The following AFF3 variants were observed in gnomAD, a reference collection of about 807,000 sequenced individuals.
AFF3 encodes the protein AF4/FMR2 family member 3.
In AFF3, 32 loss-of-function variants were observed where a neutral mutation model predicts 129.7. That is an observed-to-expected ratio of 0.25 (90% CI 0.19 to 0.33). The LOEUF is 0.33. Ranked by LOEUF, AFF3 falls within the 10% of genes least tolerant of loss-of-function variation. The probability of loss-of-function intolerance (pLI) is 1.00; values close to 1 mark genes in which losing one functional copy is unlikely to be tolerated. For missense variants in AFF3, 1,373 were observed against 1,592.0 expected, an observed-to-expected ratio of 0.86 and a Z score of 2.34; for synonymous variants, 644 against 635.4, an observed-to-expected ratio of 1.01 and a Z score of -0.20.
chr2:99,684,987 G>C (rs1471180500), intron 11 of AFF3, among the ~76,000 whole-genome samples: 2 of 145,038 alleles, frequency 1.4e-5, no homozygotes, highest in Non-Finnish European at 3.0e-5. Context: ...TGCCCAGGCT[G>C]AGGTGCAGTG....
chr2:99,637,241 G>A (rs549903295), intron 13 of AFF3, among the ~76,000 whole-genome samples: 1 of 152,300 alleles, frequency 6.6e-6, no homozygotes, highest in Admixed American at 6.5e-5. Context: ...AAGTAGTTAA[G>A]TAGTTTGGTT....
intron 4 of AFF3, among the ~76,000 whole-genome samples, chr2:100,033,755 G>A (rs556407156): frequency 5.3e-4 from 80 of 152,090 alleles, no homozygotes; most frequent in African/African-American, 1.8e-3. Context: ...AATTCATCAC[G>A]ATTAATAAAA....
intron 10 of AFF3, among the ~76,000 whole-genome samples, chr2:99,742,921 C>T (rs3863006): frequency 0.85 from 130,028 of 152,238 alleles, 55,707 homozygotes; most frequent in South Asian, 0.93. Context: ...TGTGGGATTC[C>T]CCCTTTACCC....
At chr2:99,592,455 T>C (rs1176158653) in intron 15 of AFF3, among the ~76,000 whole-genome samples, 1 of 152,248 alleles carries the variant, frequency 6.6e-6, no homozygotes, top group Non-Finnish European at 1.5e-5. Context: ...ATGAGGCCAC[T>C]GGCCTCTTGG....
chr2:99,967,788 C>T (rs924473865), intron 7 of AFF3, among the ~76,000 whole-genome samples: 1 of 152,248 alleles, frequency 6.6e-6, no homozygotes, highest in Non-Finnish European at 1.5e-5. Flanking sequence ...TCTGAAATGA[C>T]TCTCACACAG....
At chr2:99,580,580 C>T (rs1035603154) in intron 17 of AFF3, among the ~76,000 whole-genome samples, 1 of 152,188 alleles carries the variant, frequency 6.6e-6, no homozygotes, top group Non-Finnish European at 1.5e-5. Context: ...CAAGTAATTA[C>T]TCAGTCCAAA....
chr2:99,788,942 T>G (rs1685001161), intron 8 of AFF3, among the ~76,000 whole-genome samples: 1 of 152,246 alleles, frequency 6.6e-6, no homozygotes, highest in Non-Finnish European at 1.5e-5. Context: ...TAGCATGCTG[T>G]GCAGGTTTCT....
intron 8 of AFF3, among the ~76,000 whole-genome samples, chr2:99,808,073 C>T (rs766880311): frequency 2.0e-5 from 3 of 152,194 alleles, no homozygotes; most frequent in South Asian, 2.1e-4. Flanking sequence ...AAAATAGCTA[C>T]GTCTTAGAAC....
intron 7 of AFF3, among the ~76,000 whole-genome samples, chr2:99,901,822 C>G (rs970881345): frequency 2.0e-5 from 3 of 146,596 alleles, no homozygotes. Context: ...TATGTTGCTC[C>G]CTGCTTGAGA....
intron 13 of AFF3, among the ~76,000 whole-genome samples, chr2:99,641,210 T>C (rs1684161066): frequency 6.6e-6 from 1 of 152,230 alleles, no homozygotes; most frequent in African/African-American, 2.4e-5. Context: ...ATTGTACCTG[T>C]GTCCCTCCAG....
At chr2:100,090,239 A>G (rs1169837236) in intron 4 of AFF3, among the ~76,000 whole-genome samples, 1 of 146,090 alleles carries the variant, frequency 6.8e-6, no homozygotes, top group Non-Finnish European at 1.5e-5. Flanking sequence ...TTACAATTTC[A>G]GATGACTTTC....
intron 7 of AFF3, among the ~76,000 whole-genome samples, chr2:99,908,802 G>A (rs1277435345): frequency 3.3e-5 from 5 of 152,262 alleles, no homozygotes; most frequent in African/African-American, 4.8e-5. Flanking sequence ...TTAGAGTGGC[G>A]ATCATTAAAA....
intron 7 of AFF3, among the ~76,000 whole-genome samples, chr2:99,934,515 A>C (rs1005125404): frequency 7.9e-5 from 12 of 152,192 alleles, no homozygotes; most frequent in African/African-American, 2.9e-4. Context: ...ATGACATGTA[A>C]AGCAAATCAC....
intron 4 of AFF3, among the ~76,000 whole-genome samples, chr2:100,025,781 A>G (rs2104911176): frequency 6.6e-6 from 1 of 152,386 alleles, no homozygotes; most frequent in East Asian, 1.9e-4. Context: ...CAAAGCAAAC[A>G]AAAACATAAA....
At chr2:99,904,417 A>G (rs1694564732) in intron 7 of AFF3, among the ~76,000 whole-genome samples, 1 of 152,156 alleles carries the variant, frequency 6.6e-6, no homozygotes. Context: ...CGGAAAAAAA[A>G]AAAAAGTCCT....
At chr2:99,716,627 A>G (rs556498798) in intron 11 of AFF3, among the ~76,000 whole-genome samples, 160 of 152,024 alleles carry the variant, frequency 1.1e-3, no homozygotes, top group Non-Finnish European at 1.9e-3. Context: ...TCATGTCTGT[A>G]ATCCCAGCAC....
chr2:99,551,368 C>G lies in AFF3; in HGVS notation c.*106G>C, dbSNP rs987590003. 2.8e-6 allele frequency: 4 copies of G among 1,450,330 alleles called. No homozygotes were observed. The South Asian group carries it at 3.7e-5, about 13-fold the overall frequency. 89.8% of individuals were successfully genotyped at this position (1,450,330 alleles called of 1,614,324 possible). A position where few individuals can be genotyped will look rare whatever the true frequency, so the allele number is the denominator to read the frequency against. ...TTGTTCAATGCTGAGGAAATGTTCA[C>G]CGCAGTCTGATAAATGCTGTGGCTG... is the stretch of plus-strand genomic sequence containing the variant. On this transcript the variant is annotated 3_prime_UTR_variant, in exon 25 of 25. Coordinates refer to ENST00000672756, the MANE Select transcript of AFF3 (RefSeq NM_001386135.1).
At chr2:99,798,680 G>C (rs528220875) in intron 8 of AFF3, among the ~76,000 whole-genome samples, 1 of 152,042 alleles carries the variant, frequency 6.6e-6, no homozygotes, top group South Asian at 2.1e-4. Context: ...TATTAAGGTA[G>C]ATCTTAACGC....
chr2:99,972,453 G>A (rs1233199833), intron 7 of AFF3, among the ~76,000 whole-genome samples: 1 of 152,190 alleles, frequency 6.6e-6, no homozygotes, highest in Non-Finnish European at 1.5e-5. Flanking sequence ...GGGAAGAAGG[G>A]GACGTTTAGA....
Sources: gnomAD v4.1 joint callset for allele counts (sites outside exome capture counted in the v4.1 genomes callset) on GRCh38, gnomAD v4.1.1 for gene constraint, MANE v1.5 for transcripts, NCBI Gene and HGNC (gene_info 2026-07-23, HGNC 2026-07-21) for gene names.